Variants in EYA3 observed in about 807,000 individuals in gnomAD.
The protein encoded by EYA3 is protein phosphatase EYA3.
In EYA3, 39 loss-of-function variants were observed where a neutral mutation model predicts 80.0. The ratio of observed to expected loss-of-function variants is 0.49; its 90% CI spans 0.38 to 0.64. The LOEUF (loss-of-function observed/expected upper bound fraction) is 0.64. EYA3 is among the 30% of genes least tolerant of loss of function. EYA3 has a pLI of 0.00. For missense variants in EYA3, 523 were observed against 676.1 expected (o/e 0.77, Z 2.51); for synonymous variants, 206 against 232.8 (o/e 0.88, Z 1.05).
chr1:28,042,474 G>T, intron 4 of EYA3, 97 bp downstream of exon 4: 1 of 987,150 alleles, frequency 1.0e-6, no homozygotes. Context: ...AGGATATTTT[G>T]GGACAAACAA....
At chr1:28,032,631 T>G (rs888074952) in intron 6 of EYA3, among the ~76,000 whole-genome samples, 2 of 152,208 alleles carry the variant, frequency 1.3e-5, no homozygotes, top group Non-Finnish European at 2.9e-5. Context: ...ACCCTTTTCC[T>G]TACACATACT....
intron 17 of EYA3, among the ~76,000 whole-genome samples, chr1:27,977,785 T>G (rs1303892886): frequency 5.4e-5 from 8 of 149,522 alleles, no homozygotes; most frequent in African/African-American, 2.0e-4. Context: ...GAGGCGGAGG[T>G]TGCAGTGAGC....
chr1:28,031,806 T>A (rs1455212308), intron 6 of EYA3: 1 of 152,232 alleles, frequency 6.6e-6, no homozygotes, highest in African/African-American at 2.4e-5. Context: ...ATGTATATAT[T>A]TTTTAAAACG....
intron 9 of EYA3, among the ~76,000 whole-genome samples, chr1:28,011,810 A>G (rs1475210168): frequency 6.6e-6 from 1 of 152,158 alleles, no homozygotes; most frequent in African/African-American, 2.4e-5. Context: ...TGGACCTTAT[A>G]TTTGGATCCT....
intron 6 of EYA3, among the ~76,000 whole-genome samples, chr1:28,034,711 A>G (rs1643349825): frequency 1.3e-5 from 2 of 152,244 alleles, no homozygotes; most frequent in African/African-American, 4.8e-5. Flanking sequence ...ATGCAGGTAC[A>G]TTAATACATC....
chr1:28,061,909 T>TTTTG lies in EYA3; in HGVS notation c.-68-3819_-68-3816dup, dbSNP rs1553155410. Among the ~76,000 whole-genome samples the TTTTG allele has an allele frequency of 4.5e-3, 691 of 152,112 alleles. 5 individuals are homozygous for TTTTG. Among genetic ancestry groups the TTTTG allele is most frequent in the African/African-American group, 0.016 (655 of 41,480 alleles). On this transcript the variant is annotated intron_variant, in intron 1 of 17. Transcript: ENST00000373871. The stretch of plus-strand genomic sequence containing the variant: ...CCACCGCGCCCGGTCAACGGTTTTT[T>TTTTG]TTTGTTTGTTTGTTTGTTTTTACCA...
chr1:28,044,620 C>T (rs1274016356), intron 3 of EYA3, among the ~76,000 whole-genome samples: 1 of 152,054 alleles, frequency 6.6e-6, no homozygotes, highest in Non-Finnish European at 1.5e-5. Flanking sequence ...AGAGTAGTTT[C>T]TACACAGCAA....
intron 17 of EYA3, among the ~76,000 whole-genome samples, chr1:27,978,114 G>A (rs1305680065): frequency 6.6e-6 from 1 of 152,050 alleles, no homozygotes; most frequent in African/African-American, 2.4e-5. Context: ...GTTTAATGAT[G>A]GGATCCCTGT....
At chr1:28,001,057 T>A (rs145654050) in intron 11 of EYA3, among the ~76,000 whole-genome samples, 2 of 152,128 alleles carry the variant, frequency 1.3e-5, no homozygotes, top group East Asian at 3.9e-4. Flanking sequence ...AGAGTGAGAC[T>A]CTGTCTCAAA....
intron 10 of EYA3, among the ~76,000 whole-genome samples, chr1:28,005,732 CAAAA>C (rs754551716): frequency 2.0e-5 from 3 of 150,948 alleles, no homozygotes; most frequent in African/African-American, 7.3e-5. Context: ...ACCCAAAAAA[CAAAA>C]AACCCCCAAA....
chr1:28,064,588 A>T (rs1231994329), intron 1 of EYA3, among the ~76,000 whole-genome samples: 1 of 152,182 alleles, frequency 6.6e-6, no homozygotes, highest in Non-Finnish European at 1.5e-5. Context: ...AACCAATAAT[A>T]GTGGGAAAGA....
At chr1:28,079,670 G>C (rs570735385) in intron 1 of EYA3, among the ~76,000 whole-genome samples, 2 of 152,154 alleles carry the variant, frequency 1.3e-5, no homozygotes, top group African/African-American at 2.4e-5. Context: ...AGGGATGACA[G>C]TAATGGTAAT....
At chr1:28,080,541 A>C (rs1327279815) in intron 1 of EYA3, among the ~76,000 whole-genome samples, 1 of 151,870 alleles carries the variant, frequency 6.6e-6, no homozygotes, top group African/African-American at 2.4e-5. Context: ...TGTTTCAAGA[A>C]ACTTCTGTTT....
intron 3 of EYA3, among the ~76,000 whole-genome samples, chr1:28,047,987 T>C (rs991355556): frequency 2.0e-5 from 3 of 152,148 alleles, no homozygotes; most frequent in Non-Finnish European, 2.9e-5. Flanking sequence ...ACTAAGTCAT[T>C]TCATAACCAT....
intron 1 of EYA3, among the ~76,000 whole-genome samples, chr1:28,086,437 C>T (rs972994174): frequency 6.6e-6 from 1 of 152,132 alleles, no homozygotes; most frequent in Non-Finnish European, 1.5e-5. Context: ...CTGGCCTTGG[C>T]CTTCCAAAGT....
chr1:27,995,454 A>G (rs1640384577), intron 13 of EYA3, among the ~76,000 whole-genome samples: 2 of 150,782 alleles, frequency 1.3e-5, no homozygotes, highest in Admixed American at 1.3e-4. Context: ...CAATGAGTAC[A>G]AGCTGGGTGT....
At chr1:28,077,307 G>T (rs1408891547) in intron 1 of EYA3, among the ~76,000 whole-genome samples, 1 of 149,984 alleles carries the variant, frequency 6.7e-6, no homozygotes, top group Non-Finnish European at 1.5e-5. Flanking sequence ...GGTTTCACCA[G>T]GTTGGCCAGG....
rs539085806 is a variant in EYA3 at position 28,048,656 on chromosome 1, C to T, written c.34-230G>A. Among the ~76,000 whole-genome samples, 141 of 151,984 alleles carry T rather than the reference C, an allele frequency of 9.3e-4. 2 individuals are homozygous for T. In the Middle Eastern group the frequency reaches 0.017, roughly 18 times the overall value. On this transcript the variant is annotated intron_variant, in intron 2 of 17. Transcript: ENST00000373871. Reference sequence around the variant, plus strand: ...CTTCTGATTAAAAAAAAACTGTTTACCAGAATTTTTACTCAAGGTAGACAG... The same window carrying T: ...CTTCTGATTAAAAAAAAACTGTTTATCAGAATTTTTACTCAAGGTAGACAG...
At chr1:28,042,702 TA>T (rs111559121) in intron 3 of EYA3, 52 bp from the exon 4 acceptor site, 19,563 of 1,450,410 alleles carry the variant, frequency 0.013, 252 homozygotes, top group African/African-American at 0.063. Flanking sequence ...GCTGCATTGC[TA>T]AAAAGTGATG....
Sources: allele counts gnomAD v4.1 joint callset (sites outside exome capture counted in the v4.1 genomes callset), GRCh38; gene constraint gnomAD v4.1.1; transcripts MANE v1.5; gene names NCBI Gene and HGNC (gene_info 2026-07-23, HGNC 2026-07-21).